Variants in SOX5 observed in about 807,000 individuals in gnomAD.
SOX5 encodes SRY-box transcription factor 5, also known as transcription factor SOX-5.
Under a neutral mutation model 92.0 loss-of-function variants are expected in SOX5, and 9 were observed. The observed-to-expected ratio is 0.10, with a 90% CI of 0.06 to 0.17. SOX5 has a LOEUF of 0.17. Among genes scored for constraint, SOX5 ranks in the 10% least tolerant of loss-of-function variants. SOX5 has a pLI of 1.00. For missense variants in SOX5, 642 were observed against 944.5 expected (o/e 0.68, Z 4.20); for synonymous variants, 344 against 336.3 (o/e 1.02, Z -0.25).
chr12:24,216,899 G>A (rs1181376049), intron 3 of SOX5, among the ~76,000 whole-genome samples: 5 of 152,158 alleles, frequency 3.3e-5, no homozygotes, highest in African/African-American at 1.2e-4. Context: ...CTGCACTCCG[G>A]CCTGAGCAAC....
At chr12:23,861,960 C>T (rs2136443865) in intron 2 of SOX5, among the ~76,000 whole-genome samples, 1 of 152,212 alleles carries the variant, frequency 6.6e-6, no homozygotes, top group Middle Eastern at 3.4e-3. Context: ...ACAAGAGTCA[C>T]ACTTCATCTT....
chr12:24,091,490 C>T (rs141674724), intron 4 of SOX5, among the ~76,000 whole-genome samples: 5,956 of 135,220 alleles, frequency 0.044, 147 homozygotes, highest in Admixed American at 0.072. Context: ...AGTGCAGTGG[C>T]GCGATCTCGG....
intron 1 of SOX5, among the ~76,000 whole-genome samples, chr12:24,531,428 T>A (rs1008729931): frequency 3.3e-5 from 5 of 152,178 alleles, no homozygotes; most frequent in Non-Finnish European, 7.3e-5. Flanking sequence ...TTTTTGCATG[T>A]CAGTTATAAC....
At chr12:23,935,698 G>A (rs530299706) in intron 1 of SOX5, among the ~76,000 whole-genome samples, 24 of 151,156 alleles carry the variant, frequency 1.6e-4, no homozygotes, top group African/African-American at 5.6e-4. Flanking sequence ...TCATTCAGAA[G>A]AAAATTAGAA....
chr12:24,153,881 G>A (rs1412371682), intron 4 of SOX5, among the ~76,000 whole-genome samples: 3 of 151,822 alleles, frequency 2.0e-5, no homozygotes, highest in Admixed American at 6.6e-5. Flanking sequence ...ACACAATCAC[G>A]CACACAGACA....
At chr12:23,738,256 G>C (rs892260297) in intron 5 of SOX5, 1 of 152,220 alleles carries the variant, frequency 6.6e-6, no homozygotes. Context: ...TCTACACTCA[G>C]TAGGGAGTGC....
At chr12:24,562,632 A>G (rs932389613), upstream of SOX5, 1 of 151,798 alleles carries the variant, frequency 6.6e-6, no homozygotes, top group East Asian at 1.9e-4. Context: ...ACACAATGCG[A>G]GTGCAAATAA....
At chr12:24,106,791 AAATAATAATAATAATAATAAT>A (rs56341402) in intron 4 of SOX5, among the ~76,000 whole-genome samples, 33 of 137,474 alleles carry the variant, frequency 2.4e-4, no homozygotes, top group East Asian at 1.0e-3. Context: ...GACTCGTCTC[AAATAATAATAATAATAATAAT>A]AATAATAATA....
At chr12:23,879,629 TCA>T (rs2096965525) in intron 2 of SOX5, among the ~76,000 whole-genome samples, 1 of 152,168 alleles carries the variant, frequency 6.6e-6, no homozygotes, top group East Asian at 1.9e-4. Context: ...GTTTTCTTTT[TCA>T]CAGTCTCACA....
At chr12:23,872,763 AGTTG>A (rs2096888900) in intron 2 of SOX5, among the ~76,000 whole-genome samples, 2 of 152,174 alleles carry the variant, frequency 1.3e-5, no homozygotes, top group Admixed American at 6.5e-5. Flanking sequence ...GATTTTAGAT[AGTTG>A]GGAAGATCGA....
chr12:24,377,573 A>G (rs1957414671), intron 1 of SOX5, among the ~76,000 whole-genome samples: 1 of 152,216 alleles, frequency 6.6e-6, no homozygotes, highest in Non-Finnish European at 1.5e-5. Context: ...TTCTAAAGAT[A>G]AGAAAAATGA....
At chr12:23,769,946 A>G (rs1474072620) in intron 3 of SOX5, among the ~76,000 whole-genome samples, 1 of 151,106 alleles carries the variant, frequency 6.6e-6, no homozygotes, top group African/African-American at 2.4e-5. Context: ...GCTCCCAGGG[A>G]TGTATTTATA....
At chr12:24,342,728 C>T (rs1490105508) in intron 2 of SOX5, among the ~76,000 whole-genome samples, 2 of 152,208 alleles carry the variant, frequency 1.3e-5, no homozygotes, top group Non-Finnish European at 2.9e-5. Context: ...GGTCTTTCTA[C>T]CTTTCCATTC....
intron 1 of SOX5, among the ~76,000 whole-genome samples, chr12:24,527,443 C>T (rs1404663902): frequency 6.6e-6 from 1 of 152,168 alleles, no homozygotes; most frequent in African/African-American, 2.4e-5. Context: ...TGCCAATGTC[C>T]TTGCCAGTTT....
upstream of SOX5, among the ~76,000 whole-genome samples, chr12:23,951,243 G>A (rs1478683881): frequency 6.6e-6 from 1 of 151,912 alleles, no homozygotes. Context: ...AGTCTGTACA[G>A]CCAATGTCCA....
intron 1 of SOX5, among the ~76,000 whole-genome samples, chr12:24,415,492 T>G (rs530710107): frequency 6.6e-6 from 1 of 152,318 alleles, no homozygotes; most frequent in Admixed American, 6.5e-5. Flanking sequence ...TCAAATTCTA[T>G]ATTCCCCTAA....
intron 2 of SOX5, among the ~76,000 whole-genome samples, chr12:24,340,177 A>C (rs1952415112): frequency 6.6e-6 from 1 of 152,238 alleles, no homozygotes; most frequent in Non-Finnish European, 1.5e-5. Flanking sequence ...GGGGAACCCA[A>C]CCTGAAACAA....
chr12:24,207,415 T>C (rs1360923881), intron 4 of SOX5, among the ~76,000 whole-genome samples: 1 of 151,848 alleles, frequency 6.6e-6, no homozygotes. Flanking sequence ...TCAGGCAATA[T>C]AATAAGGGTG....
intron 3 of SOX5, among the ~76,000 whole-genome samples, chr12:24,235,134 T>C (rs1372511624): frequency 6.6e-6 from 1 of 152,214 alleles, no homozygotes; most frequent in African/African-American, 2.4e-5. Flanking sequence ...GGGATGGCCC[T>C]TCATCTTTCC....
Sources: gnomAD v4.1 joint callset for allele counts (sites outside exome capture counted in the v4.1 genomes callset) on GRCh38, gnomAD v4.1.1 for gene constraint, MANE v1.5 for transcripts, NCBI Gene and HGNC (gene_info 2026-07-23, HGNC 2026-07-21) for gene names.